Variants in MEPCE observed in about 807,000 individuals in gnomAD.
MEPCE encodes 7SK snRNA methylphosphate capping enzyme.
In MEPCE, 9 loss-of-function variants were observed where a neutral mutation model predicts 52.3. That is an observed-to-expected ratio of 0.17 (90% CI 0.10 to 0.30). MEPCE has a LOEUF of 0.30. Ranked by LOEUF, MEPCE falls within the 10% of genes least tolerant of loss-of-function variation. MEPCE has a pLI of 1.00. For synonymous variants in MEPCE, 477 were observed against 401.6 expected, an observed-to-expected ratio of 1.19 and a Z score of -2.25; for missense variants, 826 against 933.0, an observed-to-expected ratio of 0.89 and a Z score of 1.49.
rs1798666708 is a variant in MEPCE, at chr7:100,430,962, C to G, written c.944C>G (p.Pro315Arg). The change falls in exon 1 of 4, where the codon CCC (proline) becomes CGC (arginine). Residue 315 changes from proline to arginine, a missense_variant. Physicochemically the swap from Pro to Arg is moderately radical, Grantham distance 103 (BLOSUM62 -2). Coordinates refer to ENST00000310512, the MANE Select transcript of MEPCE (RefSeq NM_019606.6). ...HRGQNRDAPQ[P>R]YELNTAINCR... ...GGCCAGAACCGGGATGCCCCCCAAC[C>G]CTATGAACTCAACACAGCCATCAAC... The G allele has an allele frequency of 1.2e-6, 2 of 1,610,292 alleles. No homozygotes were observed. Among genetic ancestry groups the G allele is most frequent in the African/African-American group, 1.3e-5 (1 of 75,000 alleles).
Position 100,432,949 on chromosome 7 carries a change from G to C in MEPCE, c.1702G>C (p.Val568Leu). Residue 568 changes from valine (V) to leucine (L), a missense_variant, in exon 2 of 4, where the codon GTG (valine) becomes CTG (leucine). Around this residue, in one of 7 missense-constraint regions of MEPCE, gnomAD observed 107 missense variants for 157.9 expected, o/e 0.68. Coordinates refer to ENST00000310512, the MANE Select transcript of MEPCE (RefSeq NM_019606.6). ...GNYVLDRDDL[V>L]EAQTPEYDVV... is the part of the protein sequence containing the mutation. ...TTATGTGCTGGATCGAGATGACCTG[G>C]TGGAGGCCCAAACACCTGAGTATGA... is the stretch of plus-strand genomic sequence containing the variant. 6.2e-7 allele frequency: 1 copy of C among 1,614,050 alleles called. No homozygotes were observed. Among genetic ancestry groups the C allele is most frequent in the Non-Finnish European group, 8.5e-7 (1 of 1,180,034 alleles).
chr7:100,433,259 T>G lies in MEPCE; in HGVS notation c.1891-4T>G. The G allele has an allele frequency of 6.2e-7, 1 of 1,614,118 alleles. No homozygotes were observed. The highest frequency in any genetic ancestry group is 1.3e-5 in the African/African-American group (1 of 75,050). On this transcript the variant is annotated splice_polypyrimidine_tract_variant and splice_region_variant and intron_variant, in intron 2 of 3. Coordinates refer to ENST00000310512, the MANE Select transcript of MEPCE (RefSeq NM_019606.6). ...CTGAAGTGGTCCCTTGCCTCTCTCC[T>G]TAGGAAACGATCTACAAGAACTACT... is the stretch of plus-strand genomic sequence containing the variant.
At position 100,430,872 on chromosome 7, in the gene MEPCE, C is replaced by A; in HGVS notation, c.854C>A (p.Pro285Gln). The A allele has an allele frequency of 1.2e-6, 2 of 1,608,996 alleles. No individual in the cohort carries two copies. Among genetic ancestry groups the A allele is most frequent in the Non-Finnish European group, 1.7e-6 (2 of 1,176,824 alleles). Residue 285 changes from proline to glutamine, a missense_variant, in exon 1 of 4, where the codon CCG becomes CAG. This residue lies in a region of MEPCE where 307 missense variants were observed against 292.1 expected (regional missense o/e 1.05). Transcript: ENST00000310512. ...AAGGSESHPV[P>Q]PTAPLTPLLH... is the part of the protein sequence containing the mutation. ...GGAGGGAGTGAGAGTCACCCCGTGC[C>A]GCCCACAGCCCCTCTCACCCCCTTA...
rs565647638 is a variant in MEPCE, at chr7:100,431,138, G to T, written c.1120G>T (p.Ala374Ser). 40 of 1,613,748 alleles carry T rather than the reference G, an allele frequency of 2.5e-5. No individual in the cohort carries two copies. The African/African-American group carries it at 4.4e-4, about 18-fold the overall frequency. Reference sequence around the variant, plus strand: ...TCGCAGGACTTCCAGCAAGTCGGAGGCAGGGGCTAGGGGTGGAGGCCAGGG... The same window carrying T: ...TCGCAGGACTTCCAGCAAGTCGGAGTCAGGGGCTAGGGGTGGAGGCCAGGG... ...KRRRTSSKSE[A>S]GARGGGQGSK... is the part of the protein sequence containing the mutation. The change falls in exon 1 of 4, where the codon GCA becomes TCA. Residue 374 changes from alanine (A) to serine (S), a missense_variant. This residue lies in a region of MEPCE where 307 missense variants were observed against 292.1 expected (regional missense o/e 1.05). Coordinates refer to ENST00000310512, the MANE Select transcript of MEPCE (RefSeq NM_019606.6).
chr7:100,430,060 G>A lies in MEPCE; in HGVS notation c.42G>A (p.Pro14=). Residue 14 remains proline (P), a synonymous_variant, in exon 1 of 4, where the codon CCG becomes CCA. Coordinates refer to ENST00000310512, the MANE Select transcript of MEPCE (RefSeq NM_019606.6). The stretch of plus-strand genomic sequence containing the variant: ...CGGAGAAGGAGCCGTTTCTGGTGCC[G>A]GCCCCGCCGCCGCCGCTCAAAGATG... ...MAAEKEPFLV[P]APPPPLKDES... The A allele has an allele frequency of 7.9e-7, 1 of 1,265,150 alleles. No individual in the cohort carries two copies. Among genetic ancestry groups the A allele is most frequent in the Non-Finnish European group, 9.9e-7 (1 of 1,005,326 alleles). 78.4% of individuals were successfully genotyped at this position (1,265,150 alleles called of 1,614,324 possible).
rs201655337 is a variant in MEPCE, at chr7:100,433,113, G to A, written c.1866G>A (p.Ser622=). Residue 622 remains serine, a synonymous_variant, in exon 2 of 4, where the codon TCG becomes TCA. Coordinates refer to ENST00000310512, the MANE Select transcript of MEPCE (RefSeq NM_019606.6). ...ILVLEPQPWS[S]YGKRKTLTET... ...TCCTAGAGCCCCAACCCTGGTCGTC[G>A]TATGGCAAGAGAAAGACTCTTACAG... 26 of 1,613,872 alleles carry A rather than the reference G, an allele frequency of 1.6e-5. No individual in the cohort carries two copies. The highest frequency in any genetic ancestry group is 2.7e-5 in the African/African-American group (2 of 74,944).
rs770129976 is a variant in MEPCE, at chr7:100,430,578, T to TG, written c.566dup (p.Asn190GlnfsTer4). 2 of 1,604,352 alleles carry TG rather than the reference T, an allele frequency of 1.2e-6. No homozygotes were observed. On this transcript the variant is annotated frameshift_variant, in exon 1 of 4. Transcript: ENST00000310512. LOFTEE classifies it high-confidence loss of function. The stretch of plus-strand genomic sequence containing the variant: ...TCTGTGTTACCCTCCAACTTCCTCC[T>TG]GGGGGGCAATATCTTTGATCCCCTG...
chr7:100,430,256 C>G lies in MEPCE; in HGVS notation c.238C>G (p.Pro80Ala). 1 of 1,368,276 alleles carries G rather than the reference C, an allele frequency of 7.3e-7. No individual in the cohort carries two copies. The allele number at this position is 1,368,276 out of a possible 1,614,324, so 84.8% of individuals were successfully genotyped here. A position where few individuals can be genotyped will look rare whatever the true frequency, so the allele number is the denominator to read the frequency against. ...GGCCGCGGCCACCTCCTCCAGTGGT[C>G]CCCAGGCGCAGCAGCACCGAGGGGG... The part of the protein sequence containing the change: ...PGAAATSSSG[P>A]QAQQHRGGGP... The change falls in exon 1 of 4, where the codon CCC (proline) becomes GCC (alanine). Residue 80 changes from proline to alanine, a missense_variant. Pro to Ala is a conservative substitution (Grantham distance 27, BLOSUM62 -1). This residue lies in a region of MEPCE where 314 missense variants were observed against 277.7 expected (regional missense o/e 1.13). Transcript: ENST00000310512.
At position 100,433,940 on chromosome 7, in the gene MEPCE, C is replaced by G. The variant is rs544475329; in HGVS notation, c.*386C>G. 4.1e-5 allele frequency: 9 copies of G among 218,490 alleles called. No homozygotes were observed. Among genetic ancestry groups the G allele is most frequent in the Non-Finnish European group, 9.2e-6 (1 of 108,560 alleles). The allele number at this position is 218,490 out of a possible 1,614,324, so 13.5% of individuals were successfully genotyped here. The stretch of plus-strand genomic sequence containing the variant: ...CGGCCATTGTACCTAGCTCTTGTCC[C>G]TAGCTGCATTTCAGTGGACCATGGA... On this transcript the variant is annotated 3_prime_UTR_variant, in exon 4 of 4. Coordinates refer to ENST00000310512, the MANE Select transcript of MEPCE (RefSeq NM_019606.6).
chr7:100,433,284 T>C lies in MEPCE; in HGVS notation c.1912T>C (p.Tyr638His). 6.2e-7 allele frequency: 1 copy of C among 1,614,194 alleles called. No individual in the cohort carries two copies. The change falls in exon 3 of 4, where the codon TAC becomes CAC. Residue 638 changes from tyrosine to histidine, a missense_variant. By Grantham distance (83) the Tyr-to-His change is moderately conservative (BLOSUM62 2). This residue lies in a region of MEPCE where 82 missense variants were observed against 121.4 expected (regional missense o/e 0.68). Transcript: ENST00000310512. ...TTAGGAAACGATCTACAAGAACTAC[T>C]ACCGAATCCAATTGAAGCCAGAGCA... ...TLTETIYKNY[Y>H]RIQLKPEQFS...
intron 1 of MEPCE, among the ~76,000 whole-genome samples, chr7:100,432,058 A>AAT (rs1229317015): frequency 6.6e-6 from 1 of 152,216 alleles, no homozygotes; most frequent in Non-Finnish European, 1.5e-5. Flanking sequence ...AAGGAGCCTG[A>AAT]GAATGGGAGT....
upstream of MEPCE, among the ~76,000 whole-genome samples, chr7:100,429,195 T>C (rs549149496): frequency 6.6e-6 from 1 of 152,052 alleles, no homozygotes; most frequent in African/African-American, 2.4e-5. Context: ...GAATAATTCA[T>C]GAGCCCCGCC....
At position 100,430,197 on chromosome 7, in the gene MEPCE, C is replaced by G. The variant is rs1039238005; in HGVS notation, c.179C>G (p.Ser60Cys). 47 of 1,310,786 alleles carry G rather than the reference C, an allele frequency of 3.6e-5. No homozygotes were observed. Among genetic ancestry groups the G allele is most frequent in the Non-Finnish European group, 4.5e-5 (46 of 1,033,242 alleles). The allele number at this position is 1,310,786 out of a possible 1,614,324, so 81.2% of individuals were successfully genotyped here. A position where few individuals can be genotyped will look rare whatever the true frequency, so the allele number is the denominator to read the frequency against. ...GPGRCAPSAG[S>C]PAAAVGRESP... ...GGTCGTTGCGCGCCATCTGCGGGGT[C>G]CCCAGCCGCTGCGGTCGGTCGGGAA... Residue 60 changes from serine (S) to cysteine (C), a missense_variant, in exon 1 of 4, where the codon TCC becomes TGC. Physicochemically the swap from Ser to Cys is moderately radical, Grantham distance 112. Transcript: ENST00000310512.
rs748325332 is a variant in MEPCE, at chr7:100,431,052, C to G, written c.1034C>G (p.Ala345Gly). The part of the protein sequence containing the change: ...ALQGPSGSLS[A>G]PPAASVISAP... Reference sequence around the variant, plus strand: ...CAGGGTCCCTCAGGCTCCCTATCAGCCCCTCCAGCTGCCTCAGTTATCTCT... The same window carrying G: ...CAGGGTCCCTCAGGCTCCCTATCAGGCCCTCCAGCTGCCTCAGTTATCTCT... Residue 345 changes from alanine (A) to glycine (G), a missense_variant, in exon 1 of 4, where the codon GCC becomes GGC. Around this residue, in one of 7 missense-constraint regions of MEPCE, gnomAD observed 307 missense variants for 292.1 expected, o/e 1.05. Coordinates refer to ENST00000310512, the MANE Select transcript of MEPCE (RefSeq NM_019606.6). 1.2e-4 allele frequency: 188 copies of G among 1,613,774 alleles called. No individual in the cohort carries two copies. Among genetic ancestry groups the G allele is most frequent in the Non-Finnish European group, 1.6e-4 (185 of 1,180,040 alleles).
Position 100,432,963 on chromosome 7 carries a change from A to C in MEPCE, c.1716A>C (p.Thr572=), listed in dbSNP as rs1584326901. The C allele has an allele frequency of 6.2e-7, 1 of 1,614,010 alleles. No homozygotes were observed. Among genetic ancestry groups the C allele is most frequent in the Non-Finnish European group, 8.5e-7 (1 of 1,180,030 alleles). The change falls in exon 2 of 4, where the codon ACA becomes ACC. Residue 572 remains threonine, a synonymous_variant. Coordinates refer to ENST00000310512, the MANE Select transcript of MEPCE (RefSeq NM_019606.6). ...LDRDDLVEAQ[T]PEYDVVLCLS... Reference sequence around the variant, plus strand: ...GAGATGACCTGGTGGAGGCCCAAACACCTGAGTATGATGTGGTGCTCTGCC... The same window carrying C: ...GAGATGACCTGGTGGAGGCCCAAACCCCTGAGTATGATGTGGTGCTCTGCC...
At chr7:100,429,163 A>T (rs752604256), upstream of MEPCE, 1 of 150,646 alleles carries the variant, frequency 6.6e-6, no homozygotes, top group Non-Finnish European at 1.5e-5. Context: ...AGAGGGGGGG[A>T]GGTTTGCTAC....
Position 100,430,934 on chromosome 7 carries a change from A to T in MEPCE, c.916A>T (p.Arg306Trp). The T allele has an allele frequency of 6.2e-7, 1 of 1,608,718 alleles. No individual in the cohort carries two copies. The highest frequency in any genetic ancestry group is 1.7e-5 in the Admixed American group (1 of 59,782). ...GEGASQQPRH[R>W]GQNRDAPQPY... ...GGGCGCCTCACAGCAGCCGCGGCACAGGGGCCAGAACCGGGATGCCCCCCA... is the reference window on the plus strand; with the variant it reads ...GGGCGCCTCACAGCAGCCGCGGCACTGGGGCCAGAACCGGGATGCCCCCCA... The change falls in exon 1 of 4, where the codon AGG becomes TGG. Residue 306 changes from arginine (R) to tryptophan (W), a missense_variant. Arg to Trp is a moderately radical substitution (Grantham distance 101). Around this residue, in one of 7 missense-constraint regions of MEPCE, gnomAD observed 307 missense variants for 292.1 expected, o/e 1.05. Transcript: ENST00000310512.
At chr7:100,429,820 G>A (rs1232251090), upstream of MEPCE, 1 of 420,794 alleles carries the variant, frequency 2.4e-6, no homozygotes, top group East Asian at 3.6e-5. Flanking sequence ...AGTAGTTCGG[G>A]TCTCGCGGGC....
At position 100,431,675 on chromosome 7, in the gene MEPCE, G is replaced by A; in HGVS notation, c.1657G>A (p.Val553Ile). The A allele has an allele frequency of 6.3e-7, 1 of 1,593,008 alleles. No homozygotes were observed. The highest frequency in any genetic ancestry group is 8.5e-7 in the Non-Finnish European group (1 of 1,174,646). The stretch of plus-strand genomic sequence containing the variant: ...GGACACATCAGTCTTCCCCAACAAT[G>A]TTGTCTTCGTCACGGTAAGAGGGTC... ...GADTSVFPNN[V>I]VFVTGNYVLD... The change falls in exon 1 of 4, where the codon GTT (valine) becomes ATT (isoleucine). Residue 553 changes from valine (V) to isoleucine (I), a missense_variant. Val to Ile is a conservative substitution (Grantham distance 29, BLOSUM62 3). Coordinates refer to ENST00000310512, the MANE Select transcript of MEPCE (RefSeq NM_019606.6).
Sources: gnomAD v4.1 joint callset for allele counts (sites outside exome capture counted in the v4.1 genomes callset) on GRCh38, gnomAD v4.1.1 for gene constraint, gnomAD v4.1.1 regional missense constraint, MANE v1.5 for transcripts, NCBI Gene and HGNC (gene_info 2026-07-23, HGNC 2026-07-21) for gene names.